CR1: variants seen among roughly 807,000 people sequenced by gnomAD.
The protein encoded by CR1 is complement C3b/C4b receptor 1 (Knops blood group), also known as complement receptor type 1.
A neutral mutation model predicts 187.3 loss-of-function variants in CR1; 116 were observed. The observed-to-expected ratio is 0.62, with a 90% CI of 0.53 to 0.72. CR1 has a LOEUF of 0.72. CR1 is among the 30% of genes least tolerant of loss of function. The pLI, the probability that CR1 is intolerant of heterozygous loss-of-function variation, is 0.00. For missense variants in CR1, 1,731 were observed against 2,110.7 expected (o/e 0.82, Z 3.52); for synonymous variants, 576 against 747.1 (o/e 0.77, Z 3.73).
At chr1:207,616,549 A>T in intron 40 of CR1, 26 bp from the exon 41 acceptor site, 1 of 1,609,220 alleles carries the variant, frequency 6.2e-7, no homozygotes, top group Non-Finnish European at 8.5e-7. Context: ...TTCTAATAGA[A>T]CTTAAAGCTC....
At chr1:207,583,213 A>T (rs1661014480) in intron 32 of CR1, among the ~76,000 whole-genome samples, 1 of 152,224 alleles carries the variant, frequency 6.6e-6, no homozygotes, top group Non-Finnish European at 1.5e-5. Context: ...GAAGCCAAGT[A>T]TGGAAATTAT....
chr1:207,617,691 CCTTT>C (rs72092150), intron 41 of CR1, among the ~76,000 whole-genome samples: 51,732 of 120,120 alleles, frequency 0.43, 14,265 homozygotes, highest in Non-Finnish European at 0.58. Context: ...ATAGCTCATT[CCTTT>C]GATATATTAG....
At chr1:207,609,059 C>A (rs1269166640) in intron 36 of CR1, among the ~76,000 whole-genome samples, 1 of 151,602 alleles carries the variant, frequency 6.6e-6, no homozygotes, top group Non-Finnish European at 1.5e-5. Flanking sequence ...AATATATAAA[C>A]CCAAAAAAAC....
At chr1:207,507,707 A>G (rs1659486093) in intron 3 of CR1, 1 of 152,228 alleles carries the variant, frequency 6.6e-6, no homozygotes. Context: ...TTGGAAAGAT[A>G]ATTTGGCAGT....
At chr1:207,521,681 G>T (rs1334494699) in intron 4 of CR1, among the ~76,000 whole-genome samples, 1 of 116,142 alleles carries the variant, frequency 8.6e-6, no homozygotes, top group Admixed American at 1.1e-4. Context: ...TGCCCAGGTT[G>T]GAGCACAGTA....
chr1:207,520,968 GTTTT>G (rs141546660), intron 4 of CR1, among the ~76,000 whole-genome samples: 35 of 44,576 alleles, frequency 7.9e-4, no homozygotes, highest in African/African-American at 3.4e-3. Context: ...TTTTTTGGTT[GTTTT>G]TTTTTTTTTT....
At chr1:207,519,821 G>T (rs574499460) in intron 4 of CR1, among the ~76,000 whole-genome samples, 1 of 148,028 alleles carries the variant, frequency 6.8e-6, no homozygotes, top group Non-Finnish European at 1.5e-5. Flanking sequence ...AGAAACAGCC[G>T]ATTGGTTATA....
chr1:207,612,096 G>A, intron 39 of CR1, 55 bp downstream of exon 39: 1 of 1,550,292 alleles, frequency 6.5e-7, no homozygotes, highest in South Asian at 1.1e-5. Context: ...TCACTCTCTT[G>A]AGATCAGGGG....
intron 44 of CR1, 95 bp from the exon 45 acceptor site, chr1:207,622,898 A>G (rs764455388): frequency 4.9e-6 from 4 of 816,264 alleles, no homozygotes; most frequent in African/African-American, 3.5e-5. Flanking sequence ...AAAAAAAAGC[A>G]TTGGCAATCT....
chr1:207,623,295 C>G (rs1662370826), intron 45 of CR1, among the ~76,000 whole-genome samples: 1 of 151,184 alleles, frequency 6.6e-6, no homozygotes, highest in Admixed American at 6.6e-5. Context: ...AAAAAAAGAC[C>G]ATTTGGCCAG....
At chr1:207,586,778 T>A (rs1234658149) in intron 33 of CR1, among the ~76,000 whole-genome samples, 1 of 152,192 alleles carries the variant, frequency 6.6e-6, no homozygotes, top group Non-Finnish European at 1.5e-5. Context: ...TTTTCCCTGA[T>A]AGGGACACCA....
In CR1 at chr1:207,587,477, T is replaced by C. The variant is rs762480636; in HGVS notation, c.5622T>C (p.Tyr1874=). 7.1e-5 allele frequency: 115 copies of C among 1,613,874 alleles called. No individual in the cohort carries two copies. Among genetic ancestry groups the C allele is most frequent in the Non-Finnish European group, 9.2e-5 (108 of 1,179,836 alleles). Residue 1874 remains tyrosine (Y), a synonymous_variant, in exon 34 of 47, where the codon TAT becomes TAC. Transcript: ENST00000367049. Reference sequence around the variant, plus strand: ...TTCCAGTCGGGACATCTTTGAATTATGAATGCCGTCCTGGGTATTTTGGGA... The same window carrying C: ...TTCCAGTCGGGACATCTTTGAATTACGAATGCCGTCCTGGGTATTTTGGGA... ...FEFPVGTSLN[Y]ECRPGYFGKM... is the part of the protein sequence containing the mutation.
At chr1:207,616,531 A>C (rs531524638) in intron 40 of CR1, 44 bp from the exon 41 acceptor site, 3 of 1,591,172 alleles carry the variant, frequency 1.9e-6, no homozygotes, top group South Asian at 2.2e-5. Flanking sequence ...CAGTCATCTT[A>C]AGTGAAATTC....
At chr1:207,605,266 A>G (rs902755594) in intron 35 of CR1, among the ~76,000 whole-genome samples, 1 of 151,460 alleles carries the variant, frequency 6.6e-6, no homozygotes, top group Admixed American at 6.6e-5. Context: ...TCAAAAAAAA[A>G]AAAAAGAAAG....
rs1396503811 is a variant in CR1 at position 207,617,497 on chromosome 1, ATATATATATATGTGTGTGTG to A, written c.6890-572_6890-553del. Among the ~76,000 whole-genome samples, 2 of 58,372 alleles carry A rather than the reference ATATATATATATGTGTGTGTG, an allele frequency of 3.4e-5. 1 individual carries two copies. The highest frequency in any genetic ancestry group is 1.3e-4 in the African/African-American group (2 of 15,734). The allele number at this position is 58,372 out of a possible 152,430, so 38.3% of individuals were successfully genotyped here. ...TAGAACTTAAAGTATATATATATAT[ATATATATATATGTGTGTGTG>A]TGTGTGTGTGTGTGTGTGTGTATGT... On this transcript the variant is annotated intron_variant, in intron 41 of 46. Transcript: ENST00000367049.
At chr1:207,627,351 C>T (rs1352433244) in intron 45 of CR1, among the ~76,000 whole-genome samples, 1 of 152,152 alleles carries the variant, frequency 6.6e-6, no homozygotes, top group Non-Finnish European at 1.5e-5. Flanking sequence ...AATGGATACA[C>T]AACAAATCTA....
intron 3 of CR1, among the ~76,000 whole-genome samples, chr1:207,509,626 G>A (rs981303257): frequency 1.4e-4 from 21 of 152,102 alleles, no homozygotes; most frequent in African/African-American, 4.6e-4. Flanking sequence ...CTGAACAATA[G>A]TATGGAGGAA....
Position 207,575,594 on chromosome 1 carries a change from G to A in CR1, c.4452-1G>A. On this transcript the variant is annotated splice_acceptor_variant, in intron 27 of 46. Transcript: ENST00000367049. LOFTEE classifies it high-confidence loss of function. ...AATGATTTTCCATTTTTTGCCTTTAGGCACCGACTCATTGGTCACTCATCT... is the reference window on the plus strand; with the variant it reads ...AATGATTTTCCATTTTTTGCCTTTAAGCACCGACTCATTGGTCACTCATCT... 1 of 1,611,778 alleles carries A rather than the reference G, an allele frequency of 6.2e-7. No individual in the cohort carries two copies. The highest frequency in any genetic ancestry group is 8.5e-7 in the Non-Finnish European group (1 of 1,179,688).
intron 29 of CR1, among the ~76,000 whole-genome samples, chr1:207,579,621 C>T (rs963527375): frequency 3.8e-4 from 58 of 152,202 alleles, no homozygotes; most frequent in African/African-American, 1.3e-3. Context: ...CTAAATAACT[C>T]GCCCCTCAAT....
Sources: gnomAD v4.1 joint callset for allele counts (sites outside exome capture counted in the v4.1 genomes callset) on GRCh38, gnomAD v4.1.1 for gene constraint, MANE v1.5 for transcripts, NCBI Gene and HGNC (gene_info 2026-07-23, HGNC 2026-07-21) for gene names.